Variants in DLG2 observed in about 807,000 individuals in gnomAD.
DLG2 encodes disks large homolog 2.
DLG2 carries 45 observed loss-of-function variants against 132.5 expected under a neutral mutation model. The observed-to-expected ratio is 0.34, with a 90% confidence interval of 0.27 to 0.44. DLG2 has a LOEUF of 0.44. DLG2 is among the 20% of genes least tolerant of loss of function. The pLI is 1.00. For missense variants in DLG2, 1,045 were observed against 1,196.9 expected (o/e 0.87, Z 1.87); for synonymous variants, 424 against 419.6 (o/e 1.01, Z -0.13).
intron 8 of DLG2, among the ~76,000 whole-genome samples, chr11:84,174,297 T>C (rs2095895272): frequency 1.3e-5 from 2 of 152,104 alleles, no homozygotes; most frequent in African/African-American, 2.4e-5. Context: ...CATCAATCTA[T>C]TCTTCATATC....
At chr11:84,337,623 A>T (rs2098493045) in intron 7 of DLG2, among the ~76,000 whole-genome samples, 1 of 152,150 alleles carries the variant, frequency 6.6e-6, no homozygotes, top group Admixed American at 6.5e-5. Context: ...TGTAGAAAAA[A>T]ATAGTCTAAA....
At chr11:83,917,969 A>G (rs2077199669) in intron 15 of DLG2, among the ~76,000 whole-genome samples, 1 of 152,204 alleles carries the variant, frequency 6.6e-6, no homozygotes. Flanking sequence ...ATGAAGAAGA[A>G]TGAAGGATTG....
At position 84,307,695 on chromosome 11, in the gene DLG2, CA is replaced by C. The variant is rs1222486667; in HGVS notation, c.520-56405del. On this transcript the variant is annotated intron_variant, in intron 7 of 27. Transcript: ENST00000376104. ...TGGGTGAAAGAGCGAGACGCAGTCT[CA>C]AAAAAAAAAAAAAAAAAAAAGAAGC... Among the ~76,000 whole-genome samples, 136 of 77,996 alleles carry C rather than the reference CA, an allele frequency of 1.7e-3. No individual in the cohort carries two copies. The Middle Eastern group carries it at 0.024, about 14-fold the overall frequency. The allele number at this position is 77,996 out of a possible 152,430, so 51.2% of individuals were successfully genotyped here.
intron 7 of DLG2, among the ~76,000 whole-genome samples, chr11:84,260,949 GC>G (rs2097541255): frequency 6.6e-6 from 1 of 152,156 alleles, no homozygotes; most frequent in African/African-American, 2.4e-5. Context: ...TAGTCAATGT[GC>G]CCCATGCCAT....
At chr11:83,899,068 G>T (rs953312940) in intron 15 of DLG2, among the ~76,000 whole-genome samples, 1 of 150,920 alleles carries the variant, frequency 6.6e-6, no homozygotes, top group Non-Finnish European at 1.5e-5. Flanking sequence ...TGCATACAGT[G>T]AATGAGGATA....
At chr11:85,000,134 A>G (rs1364197266) in intron 6 of DLG2, among the ~76,000 whole-genome samples, 2 of 152,126 alleles carry the variant, frequency 1.3e-5, no homozygotes, top group African/African-American at 4.8e-5. Flanking sequence ...CACTTCAAGG[A>G]CTATACTGTT....
At position 84,335,160 on chromosome 11, in the gene DLG2, C is replaced by CAAAAA. The variant is rs58944265; in HGVS notation, c.520-83874_520-83870dup. 5.0e-3 allele frequency among the ~76,000 whole-genome samples: 316 copies of CAAAAA among 62,666 alleles called. 6 individuals carry two copies. The highest frequency in any genetic ancestry group is 0.017 in the African/African-American group (284 of 16,778). 41.1% of individuals were successfully genotyped at this position (62,666 alleles called of 152,430 possible). A position where few individuals can be genotyped will look rare whatever the true frequency, so the allele number is the denominator to read the frequency against. ...GCAAGAAAGCAAGCAATAAAGAAAG[C>CAAAAA]AAAAAAAAAAAAAAAAAAAGGAAGG... On this transcript the variant is annotated intron_variant, in intron 7 of 27. Transcript: ENST00000376104.
intron 17 of DLG2, among the ~76,000 whole-genome samples, chr11:83,829,479 G>T (rs1406952381): frequency 3.3e-5 from 5 of 152,180 alleles, no homozygotes; most frequent in African/African-American, 4.8e-5. Flanking sequence ...TTATAGGCAT[G>T]AGCCACTGTG....
chr11:83,816,725 A>G (rs1459449101), intron 17 of DLG2, among the ~76,000 whole-genome samples: 1 of 152,182 alleles, frequency 6.6e-6, no homozygotes, highest in Non-Finnish European at 1.5e-5. Flanking sequence ...TCAATCAGAA[A>G]ACATTTTACA....
chr11:84,166,882 C>A, intron 8 of DLG2: 1 of 530,902 alleles, frequency 1.9e-6, no homozygotes, highest in Non-Finnish European at 3.9e-6. Context: ...ATTTTCAATT[C>A]CTTTTCCTCA....
intron 18 of DLG2, among the ~76,000 whole-genome samples, chr11:83,778,300 C>G (rs1373930110): frequency 6.6e-6 from 1 of 151,980 alleles, no homozygotes; most frequent in Non-Finnish European, 1.5e-5. Flanking sequence ...CCTTTATTTC[C>G]ATGCATTTGA....
intron 11 of DLG2, among the ~76,000 whole-genome samples, chr11:84,012,430 C>G (rs1177666679): frequency 6.6e-6 from 1 of 152,158 alleles, no homozygotes. Context: ...CTTCCAACAT[C>G]CACTGACCTT....
intron 3 of DLG2, among the ~76,000 whole-genome samples, chr11:85,548,866 A>C (rs1383978228): frequency 3.3e-5 from 5 of 152,152 alleles, no homozygotes; most frequent in Non-Finnish European, 7.4e-5. Context: ...TCGCGGGTCA[A>C]GCTCAGACTG....
In DLG2 at chr11:84,784,438, A is replaced by G. The variant is rs187904365; in HGVS notation, c.358-249707T>C. Reference sequence around the variant, plus strand: ...GTCAGAAATATCTGGGTCCTCTCTCATTCTTTGTATTAAGGAAAATTTCAA... The same window carrying G: ...GTCAGAAATATCTGGGTCCTCTCTCGTTCTTTGTATTAAGGAAAATTTCAA... On this transcript the variant is annotated intron_variant, in intron 6 of 27. Transcript: ENST00000376104. Among the ~76,000 whole-genome samples, 294 of 151,856 alleles carry G rather than the reference A, an allele frequency of 1.9e-3. 2 individuals carry two copies. Among genetic ancestry groups the G allele is most frequent in the African/African-American group, 7.0e-3 (289 of 41,480 alleles).
At chr11:85,057,736 T>C (rs1166817994) in intron 6 of DLG2, among the ~76,000 whole-genome samples, 1 of 150,990 alleles carries the variant, frequency 6.6e-6, no homozygotes, top group Non-Finnish European at 1.5e-5. Context: ...CTCATTAGCA[T>C]GAAAGCAAAA....
At chr11:83,734,944 A>G (rs539622062) in intron 18 of DLG2, among the ~76,000 whole-genome samples, 1 of 152,184 alleles carries the variant, frequency 6.6e-6, no homozygotes, top group South Asian at 2.1e-4. Context: ...ACCACACACA[A>G]ACAAGGCGCC....
At chr11:84,328,824 C>T (rs2098445433) in intron 7 of DLG2, among the ~76,000 whole-genome samples, 1 of 152,184 alleles carries the variant, frequency 6.6e-6, no homozygotes, top group African/African-American at 2.4e-5. Flanking sequence ...GCTGGCTGTG[C>T]TTTAGCCAGT....
In DLG2 at chr11:85,400,636, C is replaced by T. The variant is rs1278723430; in HGVS notation, c.41-115271G>A. Among the ~76,000 whole-genome samples, 328 of 144,898 alleles carry T rather than the reference C, an allele frequency of 2.3e-3. 1 individual carries two copies. Among genetic ancestry groups the T allele is most frequent in the African/African-American group, 7.9e-3 (308 of 39,032 alleles). On this transcript the variant is annotated intron_variant, in intron 3 of 27. Transcript: ENST00000376104. ...GATGAGTTCATTTCCTTTGTAGGGA[C>T]ATGGATGAAATTGGAAATCATCATT...
intron 7 of DLG2, among the ~76,000 whole-genome samples, chr11:84,272,588 C>T (rs2097739277): frequency 6.6e-6 from 1 of 152,174 alleles, no homozygotes; most frequent in African/African-American, 2.4e-5. Flanking sequence ...AACACAATGA[C>T]ACTGATTCAC....
Sources: allele counts gnomAD v4.1 joint callset (sites outside exome capture counted in the v4.1 genomes callset), GRCh38; gene constraint gnomAD v4.1.1; transcripts MANE v1.5; gene names NCBI Gene and HGNC (gene_info 2026-07-23, HGNC 2026-07-21).